The following SORCS3 variants were observed in gnomAD, a reference collection of about 807,000 sequenced individuals.
SORCS3 encodes the protein sortilin related VPS10 domain containing receptor 3.
In SORCS3, 57 loss-of-function variants were observed where a neutral mutation model predicts 146.3. The observed-to-expected ratio is 0.39, with a 90% confidence interval of 0.31 to 0.49. The LOEUF (loss-of-function observed/expected upper bound fraction) is 0.49. SORCS3 is among the 20% of genes least tolerant of loss of function. The probability of loss-of-function intolerance (pLI) is 0.92; values close to 1 mark genes in which losing one functional copy is unlikely to be tolerated. For synonymous variants in SORCS3, 653 were observed against 618.5 expected (o/e 1.06, Z -0.83); for missense variants, 1,341 against 1,575.5 (o/e 0.85, Z 2.52).
At chr10:105,242,744 T>A (rs1330490245) in intron 20 of SORCS3, among the ~76,000 whole-genome samples, 9 of 100,826 alleles carry the variant, frequency 8.9e-5, no homozygotes, top group South Asian at 3.3e-4. Context: ...ATTTATATAT[T>A]TATATATATT....
At chr10:105,036,417 G>T (rs1232589889) in intron 4 of SORCS3, among the ~76,000 whole-genome samples, 1 of 152,116 alleles carries the variant, frequency 6.6e-6, no homozygotes, top group African/African-American at 2.4e-5. Flanking sequence ...ATTCACCTTT[G>T]TATCACCACA....
chr10:104,856,533 T>G (rs1407500466), intron 2 of SORCS3, among the ~76,000 whole-genome samples: 1 of 147,010 alleles, frequency 6.8e-6, no homozygotes, highest in Admixed American at 6.9e-5. Context: ...AATGTATGTA[T>G]ATATAAATAT....
chr10:105,008,228 A>G (rs2055109757), intron 4 of SORCS3, among the ~76,000 whole-genome samples: 2 of 152,198 alleles, frequency 1.3e-5, no homozygotes, highest in South Asian at 4.1e-4. Flanking sequence ...AAGACTGTGA[A>G]CAATAGTGAA....
At chr10:104,668,849 C>T (rs776722007) in intron 1 of SORCS3, among the ~76,000 whole-genome samples, 9 of 152,150 alleles carry the variant, frequency 5.9e-5, no homozygotes, top group Admixed American at 1.3e-4. Context: ...AACTAATTCC[C>T]GAGAGCCTTA....
chr10:104,920,188 G>T (rs2019073392), intron 3 of SORCS3, among the ~76,000 whole-genome samples: 1 of 152,192 alleles, frequency 6.6e-6, no homozygotes, highest in Non-Finnish European at 1.5e-5. Flanking sequence ...AGAAGCACTT[G>T]CTTTTCACCT....
chr10:104,681,896 G>T (rs1319275033), intron 1 of SORCS3, among the ~76,000 whole-genome samples: 2 of 152,102 alleles, frequency 1.3e-5, no homozygotes, highest in African/African-American at 4.8e-5. Context: ...CTAATACTAT[G>T]TTCCCCTCCA....
chr10:105,103,373 C>T (rs1364855901), intron 6 of SORCS3, among the ~76,000 whole-genome samples: 1 of 152,136 alleles, frequency 6.6e-6, no homozygotes, highest in East Asian at 1.9e-4. Context: ...TTATTCAGGC[C>T]ATATCCTAAG....
At chr10:104,809,568 T>C (rs1000928228) in intron 1 of SORCS3, among the ~76,000 whole-genome samples, 7 of 152,236 alleles carry the variant, frequency 4.6e-5, no homozygotes, top group East Asian at 1.9e-4. Flanking sequence ...CCTGGGGTGA[T>C]TGACTCTTGA....
chr10:105,073,031 A>AT (rs2055567769), intron 5 of SORCS3, among the ~76,000 whole-genome samples: 2 of 152,180 alleles, frequency 1.3e-5, no homozygotes, highest in Admixed American at 1.3e-4. Context: ...TCAAGGTCAT[A>AT]TAGCTATTGG....
intron 7 of SORCS3, among the ~76,000 whole-genome samples, chr10:105,110,424 ATTATT>A (rs1564756577): frequency 6.6e-6 from 1 of 151,688 alleles, no homozygotes; most frequent in African/African-American, 2.4e-5. Flanking sequence ...ATTTTCCTAT[ATTATT>A]TTATCATTAT....
intron 2 of SORCS3, among the ~76,000 whole-genome samples, chr10:104,899,715 A>G (rs144986204): frequency 1.2e-4 from 19 of 152,306 alleles, no homozygotes; most frequent in East Asian, 1.2e-3. Context: ...TACTTGCTCA[A>G]AATTGTTTTC....
At chr10:104,923,436 C>T (rs1589550912) in intron 3 of SORCS3, among the ~76,000 whole-genome samples, 1 of 152,188 alleles carries the variant, frequency 6.6e-6, no homozygotes, top group East Asian at 1.9e-4. Flanking sequence ...GTTACAGTTC[C>T]TTGGTCAAAA....
At chr10:104,992,883 G>A (rs73351650) in intron 4 of SORCS3, among the ~76,000 whole-genome samples, 11,689 of 151,330 alleles carry the variant, frequency 0.077, 506 homozygotes, top group African/African-American at 0.11. Context: ...AACCTTTTTT[G>A]TTTAATGGTT....
intron 25 of SORCS3, among the ~76,000 whole-genome samples, chr10:105,257,305 A>G (rs1484855744): frequency 2.0e-5 from 3 of 152,220 alleles, no homozygotes; most frequent in African/African-American, 7.2e-5. Context: ...GGAAAATGCA[A>G]CTAAAATTTG....
chr10:105,223,369 T>C, intron 20 of SORCS3, 120 bp downstream of exon 20: 1 of 982,778 alleles, frequency 1.0e-6, no homozygotes, highest in Non-Finnish European at 1.4e-6. Context: ...TTAATAAACC[T>C]ATGAGCCCAC....
chr10:104,755,554 A>G (rs2017041380), intron 1 of SORCS3, among the ~76,000 whole-genome samples: 1 of 152,262 alleles, frequency 6.6e-6, no homozygotes, highest in Admixed American at 6.5e-5. Flanking sequence ...AGGAAAACCT[A>G]GATGAAAAGA....
intron 2 of SORCS3, among the ~76,000 whole-genome samples, chr10:104,858,515 A>G (rs901498631): frequency 4.6e-5 from 7 of 152,332 alleles, no homozygotes; most frequent in South Asian, 2.1e-4. Context: ...CTCGATACTT[A>G]AATCTTTGTT....
chr10:104,955,851 G>C (rs1433378644), intron 3 of SORCS3, among the ~76,000 whole-genome samples: 1 of 152,126 alleles, frequency 6.6e-6, no homozygotes, highest in African/African-American at 2.4e-5. Flanking sequence ...AATAAATTGG[G>C]CTCTGAGAAG....
At chr10:104,850,708 C>T (rs927694668) in intron 2 of SORCS3, among the ~76,000 whole-genome samples, 17 of 152,190 alleles carry the variant, frequency 1.1e-4, no homozygotes, top group African/African-American at 3.4e-4. Flanking sequence ...TTACTCATGC[C>T]GTCCTTCTGT....
Sources: gnomAD v4.1 joint callset for allele counts (sites outside exome capture counted in the v4.1 genomes callset) on GRCh38, gnomAD v4.1.1 for gene constraint, MANE v1.5 for transcripts, NCBI Gene and HGNC (gene_info 2026-07-23, HGNC 2026-07-21) for gene names.